GRIN3A: variants seen among roughly 807,000 people sequenced by gnomAD.
The protein encoded by GRIN3A is glutamate receptor ionotropic, NMDA 3A.
A neutral mutation model predicts 92.4 loss-of-function variants in GRIN3A; 47 were observed. That is an observed-to-expected ratio of 0.51 (90% CI 0.40 to 0.65). The LOEUF (loss-of-function observed/expected upper bound fraction) is 0.65. Among genes scored for constraint, GRIN3A ranks in the 30% least tolerant of loss-of-function variants. The pLI, the probability that GRIN3A is intolerant of heterozygous loss-of-function variation, is 0.00. For synonymous variants in GRIN3A, 527 were observed against 540.6 expected (o/e 0.97, Z 0.35); for missense variants, 1,324 against 1,393.1 (o/e 0.95, Z 0.79).
chr9:101,592,996 G>A, intron 6 of GRIN3A: 1 of 152,272 alleles, frequency 6.6e-6, no homozygotes, highest in Middle Eastern at 3.4e-3. Flanking sequence ...CACAGATGCT[G>A]GGACAAGTCC....
chr9:101,714,267 A>T (rs930919061), intron 1 of GRIN3A, among the ~76,000 whole-genome samples: 3 of 152,164 alleles, frequency 2.0e-5, no homozygotes, highest in Non-Finnish European at 2.9e-5. Context: ...ACATGCTGAG[A>T]TAGACAATAA....
Position 101,670,208 on chromosome 9 carries a change from T to A in GRIN3A, c.2204A>T (p.Lys735Ile). 2 of 1,613,980 alleles carry A rather than the reference T, an allele frequency of 1.2e-6. No homozygotes were observed. The highest frequency in any genetic ancestry group is 1.7e-6 in the Non-Finnish European group (2 of 1,179,914). ...CCTTCCAGTCCAACATTTTGGAGGT[T>A]TGATGGCCACTGTTCTGCCAAACAA... is the stretch of plus-strand genomic sequence containing the variant. The part of the protein sequence containing the change: ...ALLFGRTVAI[K>I]PPKCWTGRFL... The change falls in exon 3 of 9, where the codon AAA becomes ATA. Residue 735 changes from lysine to isoleucine, a missense_variant. Coordinates refer to ENST00000361820, the MANE Select transcript of GRIN3A (RefSeq NM_133445.3).
At chr9:101,693,252 T>A (rs1588286061) in intron 1 of GRIN3A, among the ~76,000 whole-genome samples, 1 of 94,500 alleles carries the variant, frequency 1.1e-5, no homozygotes, top group Admixed American at 1.1e-4. Flanking sequence ...AAAATATATA[T>A]ATATATATAT....
chr9:101,654,182 G>C (rs1252351616), intron 3 of GRIN3A, among the ~76,000 whole-genome samples: 1 of 151,282 alleles, frequency 6.6e-6, no homozygotes, highest in Admixed American at 6.6e-5. Context: ...TACAGTCTTT[G>C]AATCTTAAGT....
intron 3 of GRIN3A, among the ~76,000 whole-genome samples, chr9:101,660,110 C>T (rs551896199): frequency 4.3e-4 from 65 of 151,878 alleles, no homozygotes; most frequent in Non-Finnish European, 8.5e-4. Context: ...TGATTCTAAT[C>T]CAACTCCATA....
At chr9:101,660,611 A>G (rs1829160314) in intron 3 of GRIN3A, among the ~76,000 whole-genome samples, 2 of 151,850 alleles carry the variant, frequency 1.3e-5, no homozygotes, top group Admixed American at 1.3e-4. Context: ...TTTCACATCC[A>G]TTATCCTCTT....
intron 3 of GRIN3A, among the ~76,000 whole-genome samples, chr9:101,643,576 T>C (rs572700838): frequency 1.1e-3 from 166 of 152,096 alleles, no homozygotes; most frequent in South Asian, 2.3e-3. Context: ...CTGAAATCAG[T>C]AACTTGAAGA....
At chr9:101,608,269 T>C (rs929835071) in intron 6 of GRIN3A, among the ~76,000 whole-genome samples, 3 of 152,156 alleles carry the variant, frequency 2.0e-5, no homozygotes, top group Non-Finnish European at 4.4e-5. Context: ...TTCCTAGTTC[T>C]CTTTCAAATT....
intron 1 of GRIN3A, among the ~76,000 whole-genome samples, chr9:101,689,048 A>G (rs1003876759): frequency 2.0e-5 from 3 of 152,108 alleles, no homozygotes; most frequent in Non-Finnish European, 4.4e-5. Flanking sequence ...CTCACTCCTC[A>G]TTTTGATTTG....
At chr9:101,623,252 G>T in intron 5 of GRIN3A, 66 bp downstream of exon 5, 2 of 1,070,694 alleles carry the variant, frequency 1.9e-6, no homozygotes, top group African/African-American at 1.5e-5. Context: ...TGGCATTTGT[G>T]ACTTTCTAGG....
In GRIN3A at chr9:101,737,927, G is replaced by A. The variant is rs113345339; in HGVS notation, c.53C>T (p.Pro18Leu). Residue 18 changes from proline to leucine, a missense_variant, in exon 1 of 9, where the codon CCG (proline) becomes CTG (leucine). Transcript: ENST00000361820. The stretch of plus-strand genomic sequence containing the variant: ...GGCCAGCACCAGTGCGCAGGGCGGC[G>A]GCAACAGCAGACAGACCCTGCTCAG... ...WLLSRVCLLL[P>L]PPCALVLAGV... 1 of 1,537,212 alleles carries A rather than the reference G, an allele frequency of 6.5e-7. No homozygotes were observed. Among genetic ancestry groups the A allele is most frequent in the Non-Finnish European group, 8.7e-7 (1 of 1,148,108 alleles).
rs28621686 is a variant in GRIN3A at position 101,686,883 on chromosome 9, G to A, written c.1017C>T (p.Phe339=). The A allele has an allele frequency of 1.4e-3, 2,213 of 1,614,170 alleles. 23 individuals are homozygous for A. In the African/African-American group the frequency reaches 0.027, roughly 19 times the overall value. The change falls in exon 2 of 9, where the codon TTC becomes TTT. Residue 339 remains phenylalanine (F), a synonymous_variant. Transcript: ENST00000361820. The stretch of plus-strand genomic sequence containing the variant: ...TGACCCCAAACTGGGTTGTAATTTC[G>A]AAAATCCGCCGGATACTTTCCATGT... ...GCDMESIRRI[F]EITTQFGVMP... is the part of the protein sequence containing the mutation.
chr9:101,716,267 G>C (rs1166061241), intron 1 of GRIN3A, among the ~76,000 whole-genome samples: 2 of 152,130 alleles, frequency 1.3e-5, no homozygotes, highest in Non-Finnish European at 2.9e-5. Context: ...CCATGAGATT[G>C]CTTTTCTTTA....
At chr9:101,610,045 C>T (rs1828339573) in intron 6 of GRIN3A, among the ~76,000 whole-genome samples, 1 of 152,174 alleles carries the variant, frequency 6.6e-6, no homozygotes, top group South Asian at 2.1e-4. Flanking sequence ...TGACTTGAGT[C>T]AGCTATGGTC....
At chr9:101,584,311 G>T (rs1471352037) in intron 6 of GRIN3A, among the ~76,000 whole-genome samples, 2 of 152,006 alleles carry the variant, frequency 1.3e-5, no homozygotes, top group Admixed American at 6.5e-5. Flanking sequence ...TTTTCTAAAG[G>T]TTATTTATAT....
At chr9:101,716,312 C>G (rs1829947291) in intron 1 of GRIN3A, among the ~76,000 whole-genome samples, 1 of 151,830 alleles carries the variant, frequency 6.6e-6, no homozygotes, top group Admixed American at 6.6e-5. Context: ...GGAACAGAAG[C>G]CTGAGGAAAC....
intron 1 of GRIN3A, among the ~76,000 whole-genome samples, chr9:101,722,584 GC>G (rs1184395510): frequency 3.9e-5 from 6 of 152,220 alleles, no homozygotes; most frequent in Non-Finnish European, 7.3e-5. Flanking sequence ...AGCCACAGGG[GC>G]AGAGCTGCCC....
chr9:101,678,218 A>G (rs1217560467), intron 2 of GRIN3A, among the ~76,000 whole-genome samples: 1 of 152,182 alleles, frequency 6.6e-6, no homozygotes, highest in African/African-American at 2.4e-5. Flanking sequence ...TCTTACAGTG[A>G]TCTTCATCAC....
chr9:101,738,145 A>G lies in GRIN3A; in HGVS notation c.-166T>C. ...CTCTAGGCCATGCAAGTTGGAGCGT[A>G]GCGCGCCTCCGGCAGTCTCAGATCC... On this transcript the variant is annotated 5_prime_UTR_variant, in exon 1 of 9. Transcript: ENST00000361820. The G allele has an allele frequency of 1.4e-6, 1 of 697,614 alleles. No individual in the cohort carries two copies. Among genetic ancestry groups the G allele is most frequent in the Non-Finnish European group, 2.5e-6 (1 of 392,264 alleles). 43.2% of individuals were successfully genotyped at this position (697,614 alleles called of 1,614,324 possible).
Sources: gnomAD v4.1 joint callset for allele counts (sites outside exome capture counted in the v4.1 genomes callset) on GRCh38, gnomAD v4.1.1 for gene constraint, MANE v1.5 for transcripts, NCBI Gene and HGNC (gene_info 2026-07-23, HGNC 2026-07-21) for gene names.